The following VMP1 variants were observed in gnomAD, a reference collection of about 807,000 sequenced individuals.
The protein encoded by VMP1 is ectopic P-granules autophagy protein 3 homolog.
Under a neutral mutation model 56.0 loss-of-function variants are expected in VMP1, and 11 were observed. That is an observed-to-expected ratio of 0.20 (90% confidence interval 0.12 to 0.32). VMP1 has a LOEUF of 0.32. Ranked by LOEUF, VMP1 falls within the 10% of genes least tolerant of loss-of-function variation. VMP1 has a pLI of 1.00. For synonymous variants in VMP1, 149 were observed against 165.0 expected (o/e 0.90, Z 0.74); for missense variants, 296 against 490.3 (o/e 0.60, Z 3.74).
intron 7 of VMP1, among the ~76,000 whole-genome samples, chr17:59,779,263 CTG>C (rs945890306): frequency 6.6e-6 from 1 of 152,176 alleles, no homozygotes; most frequent in African/African-American, 2.4e-5. Flanking sequence ...TCTGTTCTAT[CTG>C]TGAATACCTA....
rs1225959521 is a variant in VMP1 at position 59,823,499 on chromosome 17, C to T, written c.974+5726C>T. On this transcript the variant is annotated intron_variant, in intron 10 of 11. Coordinates refer to ENST00000262291, the MANE Select transcript of VMP1 (RefSeq NM_030938.5). ...GGGCAGTGGCTCATACCTGTAATCC[C>T]AGCACTTTGGGAGGCTGAGGTGGGC... 2.0e-5 allele frequency among the ~76,000 whole-genome samples: 3 copies of T among 149,890 alleles called. No homozygotes were observed. In the Admixed American group the frequency reaches 2.0e-4, roughly 10 times the overall value.
chr17:59,806,524 T>C (rs1243585803), intron 7 of VMP1, among the ~76,000 whole-genome samples: 3 of 152,040 alleles, frequency 2.0e-5, no homozygotes, highest in Non-Finnish European at 4.4e-5. Context: ...GAGACCAGCC[T>C]GACAATATGA....
chr17:59,721,068 G>T (rs557294146), intron 1 of VMP1, among the ~76,000 whole-genome samples: 1 of 151,994 alleles, frequency 6.6e-6, no homozygotes, highest in Non-Finnish European at 1.5e-5. Context: ...GATGGGGGCC[G>T]GGCGCGGTGG....
chr17:59,753,087 G>A (rs1008111540), intron 5 of VMP1, among the ~76,000 whole-genome samples: 3 of 151,998 alleles, frequency 2.0e-5, no homozygotes, highest in African/African-American at 7.2e-5. Context: ...ACCAGCCTGG[G>A]CAACCTAGTG....
intron 7 of VMP1, among the ~76,000 whole-genome samples, chr17:59,782,801 G>A (rs931149334): frequency 2.6e-5 from 4 of 152,018 alleles, no homozygotes; most frequent in Admixed American, 1.3e-4. Flanking sequence ...AGTAGAGTAA[G>A]TTTATCAGCC....
At chr17:59,755,302 G>A (rs1468424725) in intron 5 of VMP1, among the ~76,000 whole-genome samples, 1 of 151,828 alleles carries the variant, frequency 6.6e-6, no homozygotes, top group Non-Finnish European at 1.5e-5. Context: ...AGAGACAGGA[G>A]TTTCACAATG....
intron 7 of VMP1, among the ~76,000 whole-genome samples, chr17:59,808,096 G>A (rs957388208): frequency 3.3e-5 from 5 of 152,168 alleles, no homozygotes; most frequent in African/African-American, 1.2e-4. Flanking sequence ...CAGCATGGGA[G>A]GAGGTAACAG....
intron 1 of VMP1, among the ~76,000 whole-genome samples, chr17:59,723,902 A>G (rs909074415): frequency 2.0e-5 from 3 of 152,176 alleles, no homozygotes; most frequent in Non-Finnish European, 4.4e-5. Flanking sequence ...GAATTCTCTC[A>G]CTGCTTTTGT....
At chr17:59,749,137 T>G (rs1169454562) in intron 5 of VMP1, among the ~76,000 whole-genome samples, 1 of 151,516 alleles carries the variant, frequency 6.6e-6, no homozygotes, top group African/African-American at 2.4e-5. Context: ...TTTTGTATTT[T>G]TATTAGAGAC....
At chr17:59,755,777 C>T (rs1357044862) in intron 5 of VMP1, among the ~76,000 whole-genome samples, 1 of 145,674 alleles carries the variant, frequency 6.9e-6, no homozygotes, top group African/African-American at 2.6e-5. Context: ...CTTGCTCTGT[C>T]GCTCAGGCTG....
At chr17:59,731,678 A>C (rs189447520) in intron 2 of VMP1, among the ~76,000 whole-genome samples, 156 bp downstream of exon 2, 1 of 152,160 alleles carries the variant, frequency 6.6e-6, no homozygotes, top group Non-Finnish European at 1.5e-5. Context: ...GTAAGGTGAT[A>C]TTTCACAGTG....
At chr17:59,737,286 C>A (rs1299162472) in intron 3 of VMP1, among the ~76,000 whole-genome samples, 167 bp from the exon 4 acceptor site, 1 of 152,108 alleles carries the variant, frequency 6.6e-6, no homozygotes, top group Admixed American at 6.5e-5. Flanking sequence ...GCCTATGTAT[C>A]TTCCCTTGAC....
At chr17:59,730,496 C>T (rs2143797719) in intron 1 of VMP1, among the ~76,000 whole-genome samples, 1 of 152,150 alleles carries the variant, frequency 6.6e-6, no homozygotes, top group African/African-American at 2.4e-5. Flanking sequence ...AACTCCTGAC[C>T]TCAAGTGATC....
At chr17:59,770,104 C>A (rs2036371532) in intron 6 of VMP1, among the ~76,000 whole-genome samples, 1 of 152,120 alleles carries the variant, frequency 6.6e-6, no homozygotes, top group Admixed American at 6.6e-5. Context: ...TAAATATAGT[C>A]AACTACGTAT....
intron 1 of VMP1, among the ~76,000 whole-genome samples, chr17:59,721,559 C>T (rs1369492260): frequency 6.6e-6 from 1 of 151,952 alleles, no homozygotes; most frequent in Non-Finnish European, 1.5e-5. Flanking sequence ...AAGACACATA[C>T]AGTAAATACA....
chr17:59,728,995 A>C (rs1322890233), intron 1 of VMP1, among the ~76,000 whole-genome samples: 43 of 152,172 alleles, frequency 2.8e-4, no homozygotes, highest in Admixed American at 2.8e-3. Context: ...ATGGATATGC[A>C]TATTCTGGAA....
intron 7 of VMP1, among the ~76,000 whole-genome samples, chr17:59,802,816 G>A (rs1034415467): frequency 4.6e-5 from 7 of 152,040 alleles, no homozygotes; most frequent in Admixed American, 6.6e-5. Flanking sequence ...GCACGATCTC[G>A]GCTCACCACA....
At chr17:59,744,462 C>CA (rs60407542) in intron 5 of VMP1, among the ~76,000 whole-genome samples, 3,550 of 53,638 alleles carry the variant, frequency 0.066, 252 homozygotes, top group African/African-American at 0.19. Flanking sequence ...AATTCCATCT[C>CA]AAAAAAAAAA....
chr17:59,803,039 A>G (rs183823305), intron 7 of VMP1, among the ~76,000 whole-genome samples: 1 of 152,278 alleles, frequency 6.6e-6, no homozygotes, highest in East Asian at 1.9e-4. Context: ...GCCACCGCAT[A>G]TGGCCTTCTG....
Sources: allele counts gnomAD v4.1 joint callset (sites outside exome capture counted in the v4.1 genomes callset), GRCh38; gene constraint gnomAD v4.1.1; transcripts MANE v1.5; gene names NCBI Gene and HGNC (gene_info 2026-07-23, HGNC 2026-07-21).